The following PRIM2 variants were observed in gnomAD, a reference collection of about 807,000 sequenced individuals.
PRIM2 encodes DNA primase large subunit.
Under a neutral mutation model 67.3 loss-of-function variants are expected in PRIM2, and 39 were observed. The ratio of observed to expected loss-of-function variants is 0.58; its 90% CI spans 0.45 to 0.76. The LOEUF is 0.76. Ranked by LOEUF, PRIM2 falls within the 30% of genes least tolerant of loss-of-function variation. The probability of loss-of-function intolerance (pLI) is 0.00; values close to 1 mark genes in which losing one functional copy is unlikely to be tolerated. For missense variants in PRIM2, 398 were observed against 598.7 expected (o/e 0.66, Z 3.50); for synonymous variants, 143 against 198.7 (o/e 0.72, Z 2.36).
intron 5 of PRIM2, among the ~76,000 whole-genome samples, chr6:57,349,921 T>G (rs1304919189): frequency 6.6e-6 from 1 of 152,178 alleles, no homozygotes; most frequent in Non-Finnish European, 1.5e-5. Context: ...TCTTAAACCT[T>G]CAATATGACT....
At chr6:57,564,533 G>A (rs1181167853) in intron 10 of PRIM2, among the ~76,000 whole-genome samples, 28,013 of 151,776 alleles carry the variant, frequency 0.18, 2,732 homozygotes, top group South Asian at 0.22. Context: ...TTTTTTTACC[G>A]TTCTACTTTT....
chr6:57,548,648 G>T (rs1775336864), intron 10 of PRIM2, among the ~76,000 whole-genome samples: 1 of 152,204 alleles, frequency 6.6e-6, no homozygotes, highest in Non-Finnish European at 1.5e-5. Flanking sequence ...GGTACTGACA[G>T]ATTGTATATG....
chr6:57,346,218 T>C (rs1415035953), intron 5 of PRIM2, among the ~76,000 whole-genome samples: 2 of 152,204 alleles, frequency 1.3e-5, no homozygotes, highest in African/African-American at 4.8e-5. Context: ...TGATCCAGCC[T>C]TTGTTCAAGA....
At chr6:57,309,291 TC>T in the PRIM2 span, among the ~76,000 whole-genome samples, 2 of 65,342 alleles carry the variant, frequency 3.1e-5, no homozygotes, top group African/African-American at 6.4e-5. Context: ...CCCTCCCCCC[TC>T]CCCCCACCCC....
chr6:57,414,365 T>G (rs1771190909), intron 7 of PRIM2, among the ~76,000 whole-genome samples: 1 of 152,174 alleles, frequency 6.6e-6, no homozygotes, highest in Non-Finnish European at 1.5e-5. Context: ...TATAAGTGTT[T>G]ATTGAATGAA....
At chr6:57,501,097 T>TA (rs1774120869) in intron 7 of PRIM2, among the ~76,000 whole-genome samples, 4 of 152,206 alleles carry the variant, frequency 2.6e-5, no homozygotes, top group Admixed American at 1.3e-4. Context: ...TTAAAAAGTG[T>TA]TATTGAATAG....
chr6:57,244,946 G>C, the PRIM2 span, among the ~76,000 whole-genome samples: 1 of 152,182 alleles, frequency 6.6e-6, no homozygotes, highest in Non-Finnish European at 1.5e-5. Context: ...AGCATAGGCA[G>C]CTCCTCTCAC....
the PRIM2 span, chr6:57,221,756 G>GCGCTGC: frequency 1.3e-5 from 2 of 152,306 alleles, no homozygotes; most frequent in Non-Finnish European, 2.9e-5. Flanking sequence ...CGCCGGGCTG[G>GCGCTGC]CGCTGCCGCC....
At chr6:57,583,572 TCATTGTTGGA>T (rs2127485866) in intron 10 of PRIM2, among the ~76,000 whole-genome samples, 1 of 152,078 alleles carries the variant, frequency 6.6e-6, no homozygotes, top group Non-Finnish European at 1.5e-5. Context: ...ATCCAGTCTA[TCATTGTTGGA>T]CATTTGGGTT....
intron 8 of PRIM2, among the ~76,000 whole-genome samples, chr6:57,520,674 A>T (rs1774593377): frequency 6.6e-6 from 1 of 152,214 alleles, no homozygotes; most frequent in Non-Finnish European, 1.5e-5. Context: ...TTATACACAA[A>T]AAATCCACCC....
intron 13 of PRIM2, among the ~76,000 whole-genome samples, chr6:57,633,943 A>G (rs1463110162): frequency 1.3e-5 from 2 of 152,202 alleles, no homozygotes; most frequent in African/African-American, 4.8e-5. Flanking sequence ...GCCTTAATGT[A>G]TACCAGGCAC....
chr6:57,540,332 A>T (rs1233585435), intron 10 of PRIM2, among the ~76,000 whole-genome samples: 1 of 152,208 alleles, frequency 6.6e-6, no homozygotes, highest in African/African-American at 2.4e-5. Flanking sequence ...GGAAGTTGAC[A>T]AGTCTCAAGA....
intron 6 of PRIM2, 130 bp from the exon 7 acceptor site, chr6:57,381,901 A>C: frequency 1.1e-6 from 1 of 927,942 alleles, no homozygotes. Flanking sequence ...AGGATAAATT[A>C]ATCATTTTGA....
At chr6:57,614,975 A>G (rs1446783744) in intron 12 of PRIM2, among the ~76,000 whole-genome samples, 2 of 152,344 alleles carry the variant, frequency 1.3e-5, no homozygotes, top group East Asian at 1.9e-4. Flanking sequence ...TGGGTATTGT[A>G]TCTATCTATC....
At chr6:57,489,325 C>T (rs1297672889) in intron 7 of PRIM2, among the ~76,000 whole-genome samples, 4 of 148,564 alleles carry the variant, frequency 2.7e-5, no homozygotes, top group East Asian at 2.0e-4. Flanking sequence ...GGGAGGCCAG[C>T]GCAGGCAGAT....
chr6:57,323,784 G>GAA (rs1196058324), intron 3 of PRIM2, among the ~76,000 whole-genome samples: 2 of 141,510 alleles, frequency 1.4e-5, no homozygotes, highest in Admixed American at 7.0e-5. Flanking sequence ...AAGTAAAAAG[G>GAA]AAAAAAAAAA....
At chr6:57,237,607 G>A in the PRIM2 span, among the ~76,000 whole-genome samples, 3 of 152,102 alleles carry the variant, frequency 2.0e-5, no homozygotes, top group Admixed American at 2.0e-4. Flanking sequence ...GTGTAAGGAA[G>A]GGATCCAGTT....
intron 8 of PRIM2, among the ~76,000 whole-genome samples, chr6:57,529,282 C>G (rs1342705848): frequency 1.3e-5 from 2 of 151,916 alleles, no homozygotes; most frequent in African/African-American, 4.8e-5. Context: ...TGCACTCCAG[C>G]CTGGGCGACA....
Position 57,514,809 on chromosome 6 carries a change from A to G in PRIM2, c.761+7355A>G, listed in dbSNP as rs1554348062. 4.3e-3 allele frequency among the ~76,000 whole-genome samples: 655 copies of G among 152,238 alleles called. 19 individuals are homozygous for G. The South Asian group carries it at 0.059, about 14-fold the overall frequency. ...AATAGATGTGGTCCCTTAACTCAAG[A>G]AGCTTATATTTTTAAGGGGAAAGAG... On this transcript the variant is annotated intron_variant, in intron 8 of 13. Coordinates refer to ENST00000615550, the MANE Select transcript of PRIM2 (RefSeq NM_000947.5).
Sources: gnomAD v4.1 joint callset for allele counts (sites outside exome capture counted in the v4.1 genomes callset) on GRCh38, gnomAD v4.1.1 for gene constraint, MANE v1.5 for transcripts, NCBI Gene and HGNC (gene_info 2026-07-23, HGNC 2026-07-21) for gene names.